PPFIA1: variants seen among roughly 807,000 people sequenced by gnomAD.
PPFIA1 encodes liprin-alpha-1.
In PPFIA1, 25 loss-of-function variants were observed where a neutral mutation model predicts 149.9. The observed-to-expected ratio is 0.17, with a 90% CI of 0.12 to 0.23. The LOEUF (loss-of-function observed/expected upper bound fraction) is 0.23, where lower values mean the gene tolerates loss of function less well. PPFIA1 is among the 10% of genes least tolerant of loss of function. The pLI, the probability that PPFIA1 is intolerant of heterozygous loss-of-function variation, is 1.00. For synonymous variants in PPFIA1, 549 were observed against 552.8 expected (o/e 0.99, Z 0.10); for missense variants, 1,362 against 1,506.5 (o/e 0.90, Z 1.59).
chr11:70,298,696 G>A (rs2052262534), intron 2 of PPFIA1, among the ~76,000 whole-genome samples: 1 of 152,154 alleles, frequency 6.6e-6, no homozygotes. Flanking sequence ...TGGGCTCGGG[G>A]AAGAGCTTCC....
At chr11:70,305,532 T>C (rs2052791285) in intron 2 of PPFIA1, among the ~76,000 whole-genome samples, 1 of 152,078 alleles carries the variant, frequency 6.6e-6, no homozygotes, top group South Asian at 2.1e-4. Flanking sequence ...CCACCACGCC[T>C]GGCTATTTTT....
intron 19 of PPFIA1, among the ~76,000 whole-genome samples, chr11:70,361,682 C>G (rs542074944): frequency 6.6e-6 from 1 of 151,550 alleles, no homozygotes; most frequent in African/African-American, 2.4e-5. Flanking sequence ...GTGGCACAGT[C>G]ATGGCCTACT....
At chr11:70,341,536 G>A (rs2055331613) in intron 14 of PPFIA1, among the ~76,000 whole-genome samples, 1 of 152,154 alleles carries the variant, frequency 6.6e-6, no homozygotes. Context: ...CAGGTTGATG[G>A]GACTGTCAGC....
At chr11:70,332,861 T>C (rs1331892885) in intron 9 of PPFIA1, among the ~76,000 whole-genome samples, 1 of 152,204 alleles carries the variant, frequency 6.6e-6, no homozygotes, top group East Asian at 1.9e-4. Context: ...AGGGCATCCT[T>C]CTGGACCATT....
intron 21 of PPFIA1, chr11:70,365,390 G>C (rs2056867826): frequency 2.2e-6 from 1 of 456,482 alleles, no homozygotes; most frequent in Admixed American, 2.4e-5. Flanking sequence ...GAAATGTCTG[G>C]TTAACACACG....
intron 21 of PPFIA1, chr11:70,365,556 AT>A (rs1337387740): frequency 2.3e-5 from 9 of 395,314 alleles, no homozygotes; most frequent in African/African-American, 1.3e-4. Flanking sequence ...CCAGATAAGT[AT>A]TTCCTTTAGT....
intron 21 of PPFIA1, chr11:70,366,112 C>T (rs147856582): frequency 2.8e-6 from 1 of 357,078 alleles, no homozygotes; most frequent in East Asian, 7.7e-5. Context: ...GATTTGAAAG[C>T]ACTGGTCAAG....
intron 2 of PPFIA1, among the ~76,000 whole-genome samples, chr11:70,273,583 A>G (rs1051187138): frequency 3.9e-5 from 6 of 152,216 alleles, no homozygotes; most frequent in African/African-American, 1.4e-4. Context: ...TAGTAAATGA[A>G]TAAGTACTAG....
At chr11:70,339,372 A>G (rs144544240) in intron 14 of PPFIA1, 66 bp downstream of exon 14, 11 of 1,548,126 alleles carry the variant, frequency 7.1e-6, no homozygotes, top group Middle Eastern at 1.7e-4. Context: ...TGGCTTTCAG[A>G]CTACTTTGGG....
At chr11:70,283,314 G>A (rs370339880) in intron 2 of PPFIA1, among the ~76,000 whole-genome samples, 1 of 152,116 alleles carries the variant, frequency 6.6e-6, no homozygotes, top group Admixed American at 6.6e-5. Flanking sequence ...AAGACCTCTT[G>A]CTTGAAGAAC....
chr11:70,283,897 A>G, intron 2 of PPFIA1: 3 of 472,678 alleles, frequency 6.3e-6, no homozygotes, highest in Non-Finnish European at 1.3e-5. Context: ...CCCTCAACAA[A>G]GAATTATCTG....
At chr11:70,370,598 G>A (rs1276984994) in intron 21 of PPFIA1, among the ~76,000 whole-genome samples, 4 of 151,954 alleles carry the variant, frequency 2.6e-5, no homozygotes, top group African/African-American at 7.2e-5. Context: ...TGTTGGCGAG[G>A]CTGGTGTCGG....
intron 17 of PPFIA1, 109 bp from the exon 18 acceptor site, chr11:70,355,530 A>C: frequency 1.9e-6 from 2 of 1,055,702 alleles, no homozygotes; most frequent in Non-Finnish European, 2.7e-6. Context: ...CTTGGTGAGG[A>C]AGATGTGTGT....
intron 2 of PPFIA1, among the ~76,000 whole-genome samples, chr11:70,302,769 ATTTTTTTTTT>A (rs55897136): frequency 7.8e-6 from 1 of 127,970 alleles, no homozygotes; most frequent in Non-Finnish European, 1.7e-5. Flanking sequence ...TCTCAACACC[ATTTTTTTTTT>A]TTTTTTTTTT....
intron 2 of PPFIA1, among the ~76,000 whole-genome samples, chr11:70,284,899 T>C (rs1168885369): frequency 1.3e-5 from 2 of 152,144 alleles, no homozygotes; most frequent in African/African-American, 4.8e-5. Context: ...AAGACTTGCT[T>C]GTTTTTGTTT....
chr11:70,326,668 T>C lies in PPFIA1; in HGVS notation c.780T>C (p.Ser260=). The C allele has an allele frequency of 1.2e-6, 2 of 1,614,180 alleles. No homozygotes were observed. The highest frequency in any genetic ancestry group is 1.7e-6 in the Non-Finnish European group (2 of 1,180,030). The change falls in exon 7 of 28, where the codon AGT becomes AGC. Residue 260 remains serine, a synonymous_variant. Transcript: ENST00000253925. ...TAATTGAGCTCCAAGAAATCATAAG[T>C]AAGCAGTCAAGGGAACAGAGCCAAA... ...AKVIELQEII[S]KQSREQSQMK... is the part of the protein sequence containing the mutation.
At chr11:70,367,543 GTC>G (rs2057005928) in intron 21 of PPFIA1, 1 of 455,962 alleles carries the variant, frequency 2.2e-6, no homozygotes, top group African/African-American at 2.0e-5. Flanking sequence ...TGCAGTGGGT[GTC>G]TCTTCTAGTT....
rs377324495 is a variant in PPFIA1, at chr11:70,372,526, C to T, written c.3091C>T (p.Arg1031Trp). 3.2e-5 allele frequency: 51 copies of T among 1,613,382 alleles called. No homozygotes were observed. Among genetic ancestry groups the T allele is most frequent in the South Asian group, 1.5e-4 (14 of 91,016 alleles). Reference sequence around the variant, plus strand: ...GTGCCTGAGAAGGTTAAATTATGACCGGAAAGAACTGGAAAGAAAAAGAGA... The same window carrying T: ...GTGCCTGAGAAGGTTAAATTATGACTGGAAAGAACTGGAAAGAAAAAGAGA... ...IMCLRRLNYD[R>W]KELERKREES... The change falls in exon 23 of 28, where the codon CGG (arginine) becomes TGG (tryptophan). Residue 1031 changes from arginine to tryptophan, a missense_variant. Arg to Trp is a moderately radical substitution (Grantham distance 101, BLOSUM62 -3). Coordinates refer to ENST00000253925, the MANE Select transcript of PPFIA1 (RefSeq NM_003626.5).
intron 2 of PPFIA1, among the ~76,000 whole-genome samples, chr11:70,314,040 G>A (rs745792513): frequency 3.9e-5 from 6 of 152,162 alleles, no homozygotes; most frequent in Non-Finnish European, 8.8e-5. Flanking sequence ...TAAAAAGTGC[G>A]GTTGGGCATT....
Sources: allele counts gnomAD v4.1 joint callset (sites outside exome capture counted in the v4.1 genomes callset), GRCh38; gene constraint gnomAD v4.1.1; transcripts MANE v1.5; gene names NCBI Gene and HGNC (gene_info 2026-07-23, HGNC 2026-07-21).